PDE1C: variants seen among roughly 807,000 people sequenced by gnomAD.
PDE1C encodes the protein dual specificity calcium/calmodulin-dependent 3',5'-cyclic nucleotide phosphodiesterase 1C.
A neutral mutation model predicts 93.1 loss-of-function variants in PDE1C; 62 were observed. That is an observed-to-expected ratio of 0.67 (90% confidence interval 0.54 to 0.82). PDE1C has a LOEUF of 0.82. PDE1C is among the 40% of genes least tolerant of loss of function. The probability of loss-of-function intolerance (pLI) is 0.00; values close to 1 mark genes in which losing one functional copy is unlikely to be tolerated. For missense variants in PDE1C, 742 were observed against 884.6 expected (o/e 0.84, Z 2.04); for synonymous variants, 325 against 310.1 (o/e 1.05, Z -0.50).
At chr7:31,634,344 A>G in the PDE1C span, among the ~76,000 whole-genome samples, 1 of 152,258 alleles carries the variant, frequency 6.6e-6, no homozygotes, top group Non-Finnish European at 1.5e-5. Context: ...AATATTAATA[A>G]TGATGTCCTG....
the PDE1C span, among the ~76,000 whole-genome samples, chr7:31,715,841 T>C: frequency 1.3e-5 from 2 of 152,208 alleles, no homozygotes; most frequent in African/African-American, 4.8e-5. Flanking sequence ...AGTACCTAAA[T>C]CATCCCTACT....
chr7:31,799,094 C>T (rs754513692), intron 16 of PDE1C, among the ~76,000 whole-genome samples: 3 of 151,582 alleles, frequency 2.0e-5, no homozygotes, highest in Admixed American at 1.3e-4. Context: ...CCTCAGGGTC[C>T]GTATAACCAG....
upstream of PDE1C, among the ~76,000 whole-genome samples, chr7:32,074,827 T>G (rs1796262532): frequency 2.0e-5 from 3 of 152,104 alleles, no homozygotes; most frequent in Admixed American, 2.0e-4. Context: ...ACGGGTAGGG[T>G]GTCCTGCAAT....
chr7:31,685,116 G>T, the PDE1C span, among the ~76,000 whole-genome samples: 2 of 151,240 alleles, frequency 1.3e-5, no homozygotes, highest in African/African-American at 4.9e-5. Context: ...AGGGAATAAT[G>T]CTGAGTGAAA....
chr7:31,740,584 T>C, the PDE1C span, among the ~76,000 whole-genome samples: 1 of 152,214 alleles, frequency 6.6e-6, no homozygotes, highest in Non-Finnish European at 1.5e-5. Flanking sequence ...TTTTGACACA[T>C]TACCCAAAGA....
intron 2 of PDE1C, among the ~76,000 whole-genome samples, chr7:31,967,186 C>T (rs145301316): frequency 0.012 from 1,877 of 151,968 alleles, 15 homozygotes; most frequent in Non-Finnish European, 0.021. Context: ...TTTTTTGAAA[C>T]GATCAACAAA....
the PDE1C span, among the ~76,000 whole-genome samples, chr7:31,625,458 T>C: frequency 6.6e-6 from 1 of 152,168 alleles, no homozygotes; most frequent in African/African-American, 2.4e-5. Context: ...AATGATGAGT[T>C]CATGTCCTTT....
At chr7:31,674,302 G>T in the PDE1C span, among the ~76,000 whole-genome samples, 1 of 152,158 alleles carries the variant, frequency 6.6e-6, no homozygotes, top group South Asian at 2.1e-4. Context: ...AATGAATAGA[G>T]AGATAGTTAT....
At chr7:31,727,703 A>T in the PDE1C span, among the ~76,000 whole-genome samples, 9 of 152,120 alleles carry the variant, frequency 5.9e-5, no homozygotes, top group Non-Finnish European at 1.2e-4. Context: ...GCTTTCTTTA[A>T]TTTTTTTAGA....
chr7:31,796,114 T>C (rs1343054986), intron 16 of PDE1C, among the ~76,000 whole-genome samples: 1 of 150,470 alleles, frequency 6.6e-6, no homozygotes, highest in Non-Finnish European at 1.5e-5. Context: ...CACACACATA[T>C]ATATATATGT....
At chr7:31,896,797 T>C (rs1799377603) in intron 2 of PDE1C, among the ~76,000 whole-genome samples, 1 of 152,228 alleles carries the variant, frequency 6.6e-6, no homozygotes, top group Middle Eastern at 3.2e-3. Flanking sequence ...GACAACACTT[T>C]CAGCCAAGTA....
intron 3 of PDE1C, among the ~76,000 whole-genome samples, chr7:32,114,813 C>A (rs1286532595): frequency 1.0e-5 from 1 of 98,830 alleles, no homozygotes; most frequent in Non-Finnish European, 2.2e-5. Flanking sequence ...AGAATATGAA[C>A]AGACACTTCT....
intron 17 of PDE1C, among the ~76,000 whole-genome samples, chr7:31,769,395 C>A (rs1795337348): frequency 6.6e-6 from 1 of 152,134 alleles, no homozygotes; most frequent in African/African-American, 2.4e-5. Context: ...CATTCAATGT[C>A]TTTAGGTATG....
intron 1 of PDE1C, among the ~76,000 whole-genome samples, chr7:32,370,410 C>T (rs1330159012): frequency 2.1e-5 from 3 of 146,324 alleles, no homozygotes; most frequent in East Asian, 2.0e-4. Flanking sequence ...GATCGCACCA[C>T]GGCACTCCAG....
intron 2 of PDE1C, among the ~76,000 whole-genome samples, chr7:31,956,897 A>G (rs1203930837): frequency 6.6e-6 from 1 of 152,132 alleles, no homozygotes; most frequent in African/African-American, 2.4e-5. Context: ...ACCTGTTTAT[A>G]AATTGGGATG....
chr7:31,993,456 A>G (rs150029960), intron 2 of PDE1C, among the ~76,000 whole-genome samples: 27 of 152,322 alleles, frequency 1.8e-4, no homozygotes, highest in African/African-American at 6.0e-4. Context: ...CAAGAAAGAG[A>G]GGCACAGAGA....
intron 17 of PDE1C, among the ~76,000 whole-genome samples, chr7:31,771,890 C>CA: frequency 6.6e-6 from 1 of 151,790 alleles, no homozygotes; most frequent in Non-Finnish European, 1.5e-5. Context: ...CCCGTCTCTA[C>CA]AAAAAATTAG....
At chr7:31,758,764 C>T (rs1211937846) in intron 17 of PDE1C, among the ~76,000 whole-genome samples, 2 of 152,046 alleles carry the variant, frequency 1.3e-5, no homozygotes, top group African/African-American at 4.8e-5. Context: ...ATCAAATTGC[C>T]TAGGAACAAA....
chr7:31,822,996 A>C, intron 14 of PDE1C, 77 bp downstream of exon 14: 1 of 1,248,692 alleles, frequency 8.0e-7, no homozygotes, highest in South Asian at 1.7e-5. Flanking sequence ...ACTGTGCTTT[A>C]TTTGTAACAC....
Sources: allele counts gnomAD v4.1 joint callset (sites outside exome capture counted in the v4.1 genomes callset), GRCh38; gene constraint gnomAD v4.1.1; transcripts MANE v1.5; gene names NCBI Gene and HGNC (gene_info 2026-07-23, HGNC 2026-07-21).